DLGAP5: variants seen among roughly 807,000 people sequenced by gnomAD.
DLGAP5 encodes the protein disks large-associated protein 5.
A neutral mutation model predicts 99.6 loss-of-function variants in DLGAP5; 90 were observed. The observed-to-expected ratio is 0.90, with a 90% CI of 0.76 to 1.08. The LOEUF (loss-of-function observed/expected upper bound fraction) is 1.08. Among genes scored for constraint, DLGAP5 ranks in the 50% least tolerant of loss-of-function variants. The pLI is 0.00. For synonymous variants in DLGAP5, 311 were observed against 321.3 expected, an observed-to-expected ratio of 0.97 and a Z score of 0.34; for missense variants, 1,036 against 983.5, an observed-to-expected ratio of 1.05 and a Z score of -0.71.
At chr14:55,182,454 T>A (rs201880275) in intron 3 of DLGAP5, 22 bp from the exon 4 acceptor site, 1 of 1,586,734 alleles carries the variant, frequency 6.3e-7, no homozygotes, top group African/African-American at 1.4e-5. Flanking sequence ...CAAAAGAAGA[T>A]GAACTTAAAA....
intron 14 of DLGAP5, among the ~76,000 whole-genome samples, chr14:55,155,423 T>C (rs1882177931): frequency 6.6e-6 from 1 of 151,580 alleles, no homozygotes; most frequent in Non-Finnish European, 1.5e-5. Flanking sequence ...CTTGGCTCAC[T>C]GCAACCTCCG....
chr14:55,161,697 A>G (rs1882442242), intron 13 of DLGAP5, among the ~76,000 whole-genome samples: 1 of 150,798 alleles, frequency 6.6e-6, no homozygotes, highest in East Asian at 2.0e-4. Flanking sequence ...GACGTGAACC[A>G]CTGTGCCTGG....
At chr14:55,180,903 G>T in intron 5 of DLGAP5, 125 bp from the exon 6 acceptor site, 2 of 1,276,584 alleles carry the variant, frequency 1.6e-6, no homozygotes, top group African/African-American at 1.5e-5. Context: ...GATTACTTCA[G>T]CCCAGGAGTT....
At chr14:55,189,221 C>A in intron 1 of DLGAP5, 41 bp from the exon 2 acceptor site, 2 of 1,493,288 alleles carry the variant, frequency 1.3e-6, no homozygotes, top group South Asian at 1.2e-5. Context: ...CATGAATTTT[C>A]ATTATTTAAA....
At chr14:55,182,974 C>G (rs10140700) in intron 3 of DLGAP5, among the ~76,000 whole-genome samples, 7 of 152,206 alleles carry the variant, frequency 4.6e-5, no homozygotes, top group Non-Finnish European at 1.0e-4. Context: ...TATTAACATG[C>G]ACCCACTTAA....
chr14:55,171,877 T>C (rs748968339), intron 10 of DLGAP5, among the ~76,000 whole-genome samples: 5 of 152,162 alleles, frequency 3.3e-5, no homozygotes, highest in Non-Finnish European at 5.9e-5. Context: ...AAATACTACA[T>C]AATTCTACTT....
chr14:55,152,734 A>AT, intron 15 of DLGAP5, 87 bp from the exon 16 acceptor site: 1 of 1,162,496 alleles, frequency 8.6e-7, no homozygotes, highest in East Asian at 2.7e-5. Context: ...AATGATGGCA[A>AT]TTAGTTTAGG....
intron 8 of DLGAP5, 107 bp from the exon 9 acceptor site, chr14:55,176,125 T>C (rs1031196267): frequency 2.0e-6 from 2 of 1,014,770 alleles, no homozygotes; most frequent in African/African-American, 1.6e-5. Flanking sequence ...AATAGAAATG[T>C]TTCTATTTTT....
intron 15 of DLGAP5, among the ~76,000 whole-genome samples, chr14:55,153,700 T>C (rs751537103): frequency 2.0e-5 from 3 of 152,204 alleles, no homozygotes; most frequent in Admixed American, 6.5e-5. Flanking sequence ...AAAACATTTT[T>C]AAAGAGTACT....
chr14:55,180,647 A>T lies in DLGAP5; in HGVS notation c.703+9T>A, dbSNP rs1267474133. 6.2e-7 allele frequency: 1 copy of T among 1,613,964 alleles called. No homozygotes were observed. Among genetic ancestry groups the T allele is most frequent in the Non-Finnish European group, 8.5e-7 (1 of 1,179,972 alleles). ...CTAGTTCAGTCACTGATCAAGGAAT[A>T]GTTCTCACCATTAGCAGCTCTTGTG... On this transcript the variant is annotated intron_variant, in intron 6 of 18. Coordinates refer to ENST00000247191, the MANE Select transcript of DLGAP5 (RefSeq NM_014750.5).
chr14:55,160,393 T>TAA (rs771493094), intron 13 of DLGAP5, among the ~76,000 whole-genome samples: 10 of 124,592 alleles, frequency 8.0e-5, no homozygotes, highest in Middle Eastern at 4.2e-3. Context: ...AGACTCTATA[T>TAA]AAAAAAAAAA....
chr14:55,169,528 T>C lies in DLGAP5; in HGVS notation c.1419A>G (p.Gln473=). 1 of 1,599,792 alleles carries C rather than the reference T, an allele frequency of 6.3e-7. No individual in the cohort carries two copies. Among genetic ancestry groups the C allele is most frequent in the East Asian group, 2.2e-5 (1 of 44,756 alleles). ...AKDLIRTAVG[Q]TRLLMKERFK... The stretch of plus-strand genomic sequence containing the variant: ...ACCTTTCCTTCATAAGGAGTCTTGT[T>C]TGACCAACTGCTGTGCGAATAAGAT... The change falls in exon 12 of 19, where the codon CAA becomes CAG. Residue 473 remains glutamine, a synonymous_variant. Coordinates refer to ENST00000247191, the MANE Select transcript of DLGAP5 (RefSeq NM_014750.5).
intron 12 of DLGAP5, among the ~76,000 whole-genome samples, chr14:55,164,096 A>G (rs1375396005): frequency 6.6e-6 from 1 of 152,108 alleles, no homozygotes; most frequent in East Asian, 1.9e-4. Context: ...CGCCACTGAC[A>G]ACAGTTTGGT....
Position 55,189,185 on chromosome 14 carries a change from C to A in DLGAP5, c.-1-5G>T. 1 of 1,607,758 alleles carries A rather than the reference C, an allele frequency of 6.2e-7. No homozygotes were observed. Among genetic ancestry groups the A allele is most frequent in the Non-Finnish European group, 8.5e-7 (1 of 1,176,196 alleles). On this transcript the variant is annotated splice_region_variant and splice_polypyrimidine_tract_variant and intron_variant, in intron 1 of 18. Transcript: ENST00000247191. ...GCAAAATGTGATGAAGACATCCTGT[C>A]AAGGAAAAGGACAAAACCCAACTTA...
At chr14:55,165,685 T>C (rs1346147080) in intron 12 of DLGAP5, among the ~76,000 whole-genome samples, 2 of 152,248 alleles carry the variant, frequency 1.3e-5, no homozygotes, top group African/African-American at 4.8e-5. Flanking sequence ...TATATGTTTT[T>C]TCCTATTCAT....
chr14:55,170,657 T>G (rs746194308), intron 11 of DLGAP5, 45 bp downstream of exon 11: 1 of 1,453,154 alleles, frequency 6.9e-7, no homozygotes, highest in East Asian at 2.3e-5. Flanking sequence ...AACGTAACCA[T>G]AGTAAAAGAA....
In DLGAP5 at chr14:55,177,174, T is replaced by C. The variant is rs1883099888; in HGVS notation, c.937A>G (p.Met313Val). 6.2e-7 allele frequency: 1 copy of C among 1,613,030 alleles called. No homozygotes were observed. Among genetic ancestry groups the C allele is most frequent in the Non-Finnish European group, 8.5e-7 (1 of 1,179,716 alleles). Residue 313 changes from methionine (M) to valine (V), a missense_variant, in exon 8 of 19, where the codon ATG becomes GTG. Met to Val is a conservative substitution (Grantham distance 21, BLOSUM62 1). Transcript: ENST00000247191. ...TTCAGACCATCCAGTGGCTGAAACA[T>C]AAAATCCTTAGGTGCAAAGGAATTC... ...GKNSFAPKDF[M>V]FQPLDGLKTY...
intron 6 of DLGAP5, among the ~76,000 whole-genome samples, chr14:55,180,161 T>C (rs1462409371): frequency 6.6e-6 from 1 of 152,060 alleles, no homozygotes; most frequent in East Asian, 1.9e-4. Context: ...ATTAGAAAAA[T>C]AACAGAAAAC....
chr14:55,148,396 A>G lies in DLGAP5; in HGVS notation c.2496T>C (p.Gly832=). The change falls in exon 19 of 19, where the codon GGT becomes GGC. Residue 832 remains glycine, a synonymous_variant. Transcript: ENST00000247191. ...HQEHARHISF[G]GNLITFSPLQ... ...GAGGTGAAAAAGTAATCAGGTTACCACCAAAAGAAATGTGTCTGGCATGTT... is the reference window on the plus strand; with the variant it reads ...GAGGTGAAAAAGTAATCAGGTTACCGCCAAAAGAAATGTGTCTGGCATGTT... 6.2e-7 allele frequency: 1 copy of G among 1,614,192 alleles called. No homozygotes were observed. Among genetic ancestry groups the G allele is most frequent in the Non-Finnish European group, 8.5e-7 (1 of 1,180,032 alleles).
Sources: allele counts gnomAD v4.1 joint callset (sites outside exome capture counted in the v4.1 genomes callset), GRCh38; gene constraint gnomAD v4.1.1; transcripts MANE v1.5; gene names NCBI Gene and HGNC (gene_info 2026-07-23, HGNC 2026-07-21).